RIMS1: variants seen among roughly 807,000 people sequenced by gnomAD.
The protein encoded by RIMS1 is regulating synaptic membrane exocytosis protein 1.
RIMS1 carries 83 observed loss-of-function variants against 214.1 expected under a neutral mutation model. The observed-to-expected ratio is 0.39, with a 90% CI of 0.32 to 0.47. RIMS1 has a LOEUF of 0.47. Ranked by LOEUF, RIMS1 falls within the 20% of genes least tolerant of loss-of-function variation. The probability of loss-of-function intolerance (pLI) is 0.99; values close to 1 mark genes in which losing one functional copy is unlikely to be tolerated. For synonymous variants in RIMS1, 793 were observed against 786.8 expected, an observed-to-expected ratio of 1.01 and a Z score of -0.13; for missense variants, 2,050 against 2,161.8, an observed-to-expected ratio of 0.95 and a Z score of 1.03.
chr6:72,262,856 A>G (rs2078665997), intron 19 of RIMS1: 3 of 647,058 alleles, frequency 4.6e-6, no homozygotes, highest in Non-Finnish European at 5.7e-6. Flanking sequence ...CTGAGGATTT[A>G]CTAGTCTCTA....
chr6:72,011,848 C>G (rs974477172), intron 2 of RIMS1, among the ~76,000 whole-genome samples: 1 of 151,740 alleles, frequency 6.6e-6, no homozygotes, highest in African/African-American at 2.4e-5. Flanking sequence ...TGGAGAAGAT[C>G]TGGAGAAATA....
chr6:72,327,719 G>A (rs954057140), intron 28 of RIMS1, among the ~76,000 whole-genome samples: 1 of 151,740 alleles, frequency 6.6e-6, no homozygotes, highest in Non-Finnish European at 1.5e-5. Context: ...TACATTTAAA[G>A]TAGAATATCA....
At chr6:71,964,450 A>G (rs1561983147) in intron 1 of RIMS1, among the ~76,000 whole-genome samples, 1 of 152,194 alleles carries the variant, frequency 6.6e-6, no homozygotes, top group African/African-American at 2.4e-5. Flanking sequence ...TTAAAAATCT[A>G]TGGTGAGAAT....
chr6:72,399,518 G>A (rs1490230223), intron 33 of RIMS1, among the ~76,000 whole-genome samples: 1 of 152,040 alleles, frequency 6.6e-6, no homozygotes, highest in Non-Finnish European at 1.5e-5. Flanking sequence ...ACCAAACATG[G>A]GGTACAAAGA....
chr6:72,205,495 T>C (rs554841896), intron 6 of RIMS1, among the ~76,000 whole-genome samples: 3 of 152,264 alleles, frequency 2.0e-5, no homozygotes, highest in African/African-American at 4.8e-5. Flanking sequence ...CTGAGTTGAA[T>C]TGAGCATGAG....
chr6:71,992,404 CTCTTTCTTTCTTTCTTTCTT>C (rs70994109), intron 2 of RIMS1, among the ~76,000 whole-genome samples: 24 of 110,078 alleles, frequency 2.2e-4, no homozygotes, highest in African/African-American at 8.8e-4. Context: ...TTCTCTCTCT[CTCTTTCTTTCTTTCTTTCTT>C]TCTTTCTTTC....
intron 4 of RIMS1, among the ~76,000 whole-genome samples, chr6:72,155,280 C>T (rs2044287664): frequency 7.1e-6 from 1 of 140,020 alleles, no homozygotes; most frequent in African/African-American, 2.5e-5. Flanking sequence ...CTCTGCTTCC[C>T]TTATAAAATC....
At chr6:72,283,820 G>A (rs141903858) in intron 23 of RIMS1, among the ~76,000 whole-genome samples, 3 of 152,182 alleles carry the variant, frequency 2.0e-5, no homozygotes, top group Non-Finnish European at 4.4e-5. Flanking sequence ...TCAGCTTCTC[G>A]TGTCTTCTAT....
At chr6:72,235,761 G>A (rs62407487) in intron 8 of RIMS1, 33 bp downstream of exon 8, 2 of 1,326,914 alleles carry the variant, frequency 1.5e-6, no homozygotes, top group East Asian at 2.4e-5. Context: ...TTTCTTAAAG[G>A]GTGAATTACA....
At chr6:72,300,624 G>A (rs910430736) in intron 26 of RIMS1, among the ~76,000 whole-genome samples, 1 of 151,746 alleles carries the variant, frequency 6.6e-6, no homozygotes, top group Non-Finnish European at 1.5e-5. Flanking sequence ...TATTTGAAGT[G>A]CATCTTATGG....
Position 72,402,678 on chromosome 6 carries a change from C to A in RIMS1, c.*1964C>A, listed in dbSNP as rs1055270. 0.13 allele frequency: 19,156 copies of A among 152,630 alleles called. 1,206 individuals are homozygous for A. Among genetic ancestry groups the A allele is most frequent in the East Asian group, 0.14 (726 of 5,182 alleles). The allele number at this position is 152,630 out of a possible 1,614,324, so 9.5% of individuals were successfully genotyped here. On this transcript the variant is annotated 3_prime_UTR_variant, in exon 34 of 34. Transcript: ENST00000521978. Reference sequence around the variant, plus strand: ...GATTCCGTTCTGTCTTAGTGGCCAACAATCAACTGATTATAATTGGGTAGT... The same window carrying A: ...GATTCCGTTCTGTCTTAGTGGCCAAAAATCAACTGATTATAATTGGGTAGT...
chr6:72,390,486 A>G, intron 29 of RIMS1, 112 bp from the exon 30 acceptor site: 1 of 1,232,556 alleles, frequency 8.1e-7, no homozygotes, highest in Non-Finnish European at 1.1e-6. Context: ...TATTTTTCTG[A>G]TTAAATTTGT....
intron 6 of RIMS1, among the ~76,000 whole-genome samples, chr6:72,199,675 G>A (rs982838474): frequency 1.3e-5 from 2 of 152,022 alleles, no homozygotes; most frequent in Admixed American, 6.6e-5. Context: ...CAGATTTTAG[G>A]ACAAGAAATA....
At chr6:72,398,021 C>A (rs2154455448) in intron 31 of RIMS1, among the ~76,000 whole-genome samples, 1 of 152,068 alleles carries the variant, frequency 6.6e-6, no homozygotes, top group East Asian at 1.9e-4. Flanking sequence ...AACTAATTTG[C>A]AAATCTCATA....
At position 72,398,284 on chromosome 6, in the gene RIMS1, C is replaced by A; in HGVS notation, c.4654C>A (p.Gln1552Lys). 1 of 1,608,804 alleles carries A rather than the reference C, an allele frequency of 6.2e-7. No homozygotes were observed. Among genetic ancestry groups the A allele is most frequent in the Non-Finnish European group, 8.5e-7 (1 of 1,177,602 alleles). ...IQIGMEDKKGQLEVEVIRARS... is the reference protein window; with the variant it reads ...IQIGMEDKKGKLEVEVIRARS... The stretch of plus-strand genomic sequence containing the variant: ...AATAGGAATGGAGGACAAAAAGGGC[C>A]AATTAGAAGTGGAAGTCATTAGAGC... The change falls in exon 32 of 34, where the codon CAA becomes AAA. Residue 1552 changes from glutamine (Q) to lysine (K), a missense_variant. Transcript: ENST00000521978.
chr6:72,395,935 T>G (rs2098769855), intron 31 of RIMS1, among the ~76,000 whole-genome samples: 1 of 151,442 alleles, frequency 6.6e-6, no homozygotes, highest in African/African-American at 2.4e-5. Context: ...GACAATAAAA[T>G]GTAACAATAA....
At chr6:72,094,891 T>G (rs556785924) in intron 2 of RIMS1, among the ~76,000 whole-genome samples, 1 of 151,970 alleles carries the variant, frequency 6.6e-6, no homozygotes, top group East Asian at 1.9e-4. Flanking sequence ...ACTCTCTGCT[T>G]AGAGTTTCCT....
At chr6:71,907,533 C>G (rs1159917347) in intron 1 of RIMS1, among the ~76,000 whole-genome samples, 1 of 152,014 alleles carries the variant, frequency 6.6e-6, no homozygotes, top group African/African-American at 2.4e-5. Flanking sequence ...TGACATAATG[C>G]TGACATTTTC....
intron 4 of RIMS1, among the ~76,000 whole-genome samples, chr6:72,125,413 T>G (rs1340791663): frequency 6.6e-6 from 1 of 152,184 alleles, no homozygotes; most frequent in East Asian, 1.9e-4. Context: ...TGCTGGCAGG[T>G]GTCTCCCAGT....
Sources: gnomAD v4.1 joint callset for allele counts (sites outside exome capture counted in the v4.1 genomes callset) on GRCh38, gnomAD v4.1.1 for gene constraint, MANE v1.5 for transcripts, NCBI Gene and HGNC (gene_info 2026-07-23, HGNC 2026-07-21) for gene names.